The following BCAS3 variants were observed in gnomAD, a reference collection of about 807,000 sequenced individuals.
BCAS3 encodes BCAS4/BCAS3 fusion.
BCAS3 carries 53 observed loss-of-function variants against 116.1 expected under a neutral mutation model. The ratio of observed to expected loss-of-function variants is 0.46; its 90% CI spans 0.37 to 0.57. The LOEUF (loss-of-function observed/expected upper bound fraction) is 0.57. Among genes scored for constraint, BCAS3 ranks in the 20% least tolerant of loss-of-function variants. The pLI, the probability that BCAS3 is intolerant of heterozygous loss-of-function variation, is 0.00. For missense variants in BCAS3, 917 were observed against 1,165.4 expected, an observed-to-expected ratio of 0.79 and a Z score of 3.10; for synonymous variants, 391 against 408.2, an observed-to-expected ratio of 0.96 and a Z score of 0.51.
rs35733395 is a variant in BCAS3, at chr17:61,175,388, G to GA, written c.2425+90837dup. Among the ~76,000 whole-genome samples the GA allele has an allele frequency of 2.9e-3, 402 of 140,450 alleles. 4 individuals are homozygous for GA. Among genetic ancestry groups the GA allele is most frequent in the African/African-American group, 7.0e-3 (267 of 38,230 alleles). 92.1% of individuals were successfully genotyped at this position (140,450 alleles called of 152,430 possible). A position where few individuals can be genotyped will look rare whatever the true frequency, so the allele number is the denominator to read the frequency against. The stretch of plus-strand genomic sequence containing the variant: ...TGCTCCAGCCTGGGTGACACAGTGG[G>GA]AAAAAAAAAAAAAGCTCTTGGGTTT... On this transcript the variant is annotated intron_variant, in intron 22 of 23. Transcript: ENST00000407086.
At chr17:60,786,504 A>G (rs899343052) in intron 6 of BCAS3, among the ~76,000 whole-genome samples, 8 of 151,442 alleles carry the variant, frequency 5.3e-5, no homozygotes, top group African/African-American at 1.7e-4. Context: ...CCTAAGTGAC[A>G]GAGCAAGACT....
At position 61,321,387 on chromosome 17, in the gene BCAS3, G is replaced by A. The variant is rs186063542; in HGVS notation, c.2426-46940G>A. Reference sequence around the variant, plus strand: ...CCCATCTCCCTTCACCATTCATACTGTGGCTTCTTGGGGAAGCTCATGACC... The same window carrying A: ...CCCATCTCCCTTCACCATTCATACTATGGCTTCTTGGGGAAGCTCATGACC... On this transcript the variant is annotated intron_variant, in intron 22 of 23. Coordinates refer to ENST00000407086, the MANE Select transcript of BCAS3 (RefSeq NM_017679.5). Among the ~76,000 whole-genome samples the A allele has an allele frequency of 7.2e-5, 11 of 152,290 alleles. No homozygotes were observed. The East Asian group carries it at 1.9e-3, about 27-fold the overall frequency.
Position 61,365,763 on chromosome 17 carries a change from C to T in BCAS3, c.2426-2564C>T, listed in dbSNP as rs1328946220. 6.6e-6 allele frequency among the ~76,000 whole-genome samples: 1 copy of T among 152,186 alleles called. No homozygotes were observed. Among genetic ancestry groups the T allele is most frequent in the Non-Finnish European group, 1.5e-5 (1 of 68,040 alleles). On this transcript the variant is annotated intron_variant, in intron 22 of 23. Coordinates refer to ENST00000407086, the MANE Select transcript of BCAS3 (RefSeq NM_017679.5). This position sits in a 1 kb window ranked among gnomAD's most constrained non-coding sequence, Gnocchi z 4.6. ...AACTGAGCTCCTTTCTAGAGACAGA[C>T]CTCCTGCTCTTGTGAAGTGAGAAAA...
chr17:60,760,063 A>T (rs2043368660), intron 6 of BCAS3, among the ~76,000 whole-genome samples: 1 of 152,206 alleles, frequency 6.6e-6, no homozygotes, highest in South Asian at 2.1e-4. Flanking sequence ...CTTTGAGCCT[A>T]TGTATGTCTG....
intron 22 of BCAS3, among the ~76,000 whole-genome samples, chr17:61,112,856 A>C (rs1235472253): frequency 6.6e-6 from 1 of 151,738 alleles, no homozygotes; most frequent in Non-Finnish European, 1.5e-5. Context: ...TCCTCAGCAA[A>C]TGTAAAAGAA....
chr17:60,956,246 C>A lies in BCAS3; in HGVS notation c.1221+8894C>A, dbSNP rs958191024. 6.6e-5 allele frequency among the ~76,000 whole-genome samples: 10 copies of A among 152,196 alleles called. No homozygotes were observed. The highest frequency in any genetic ancestry group is 1.3e-4 in the Non-Finnish European group (9 of 68,024). On this transcript the variant is annotated intron_variant, in intron 14 of 23. Transcript: ENST00000407086. The surrounding 1 kb of genome is among the most constrained non-coding windows in gnomAD (Gnocchi z 4.2). ...TGGTGTCTGTGTCCTTTTGACATAT[C>A]TTCACCACTTTCTGAGCTTGTCCTT...
rs1258157118 is a variant in BCAS3, at chr17:61,029,781, A to T, written c.1638-4885A>T. Among the ~76,000 whole-genome samples, 1 of 152,028 alleles carries T rather than the reference A, an allele frequency of 6.6e-6. No individual in the cohort carries two copies. Among genetic ancestry groups the T allele is most frequent in the African/African-American group, 2.4e-5 (1 of 41,446 alleles). On this transcript the variant is annotated intron_variant, in intron 16 of 23. Transcript: ENST00000407086. The surrounding 1 kb of genome is among the most constrained non-coding windows in gnomAD (Gnocchi z 5.2). ...CATATTAAATTAGAAAGTTTTAATT[A>T]GTGTTTTCTAAGAGTTTTGATCAAG...
At chr17:61,135,675 A>G (rs1302773955) in intron 22 of BCAS3, among the ~76,000 whole-genome samples, 1 of 152,212 alleles carries the variant, frequency 6.6e-6, no homozygotes, top group Non-Finnish European at 1.5e-5. Context: ...ACATTTTTAA[A>G]TGGGAGGAAA....
In BCAS3 at chr17:60,684,811, A is replaced by G. The variant is rs551326362; in HGVS notation, c.138+775A>G. On this transcript the variant is annotated intron_variant, in intron 3 of 23. Transcript: ENST00000407086. ...GTAGTCTTCCTTGACTACCATGGGT[A>G]TGTGTAACTGGAGTGTTCAAAAAGG... Among the ~76,000 whole-genome samples, 13 of 152,254 alleles carry G rather than the reference A, an allele frequency of 8.5e-5. No homozygotes were observed. The East Asian group carries it at 2.5e-3, about 29-fold the overall frequency.
At position 61,344,499 on chromosome 17, in the gene BCAS3, G is replaced by A. The variant is rs1414373351; in HGVS notation, c.2426-23828G>A. Among the ~76,000 whole-genome samples the A allele has an allele frequency of 6.6e-6, 1 of 152,118 alleles. No homozygotes were observed. Among genetic ancestry groups the A allele is most frequent in the Non-Finnish European group, 1.5e-5 (1 of 68,034 alleles). On this transcript the variant is annotated intron_variant, in intron 22 of 23. Transcript: ENST00000407086. This position sits in a 1 kb window ranked among gnomAD's most constrained non-coding sequence, Gnocchi z 4.1. ...AGAAGGTGGGTCCTAAGTTTTGAGG[G>A]TACCATGGAGAGCAAAGTAGATGAT...
At chr17:60,911,049 TTTC>T (rs557208383) in intron 12 of BCAS3, among the ~76,000 whole-genome samples, 23 of 151,918 alleles carry the variant, frequency 1.5e-4, no homozygotes, top group African/African-American at 5.5e-4. Flanking sequence ...TCAGTTATTG[TTTC>T]TTTTTTGTGT....
At chr17:61,103,429 T>C (rs953515739) in intron 22 of BCAS3, among the ~76,000 whole-genome samples, 1 of 152,162 alleles carries the variant, frequency 6.6e-6, no homozygotes, top group African/African-American at 2.4e-5. Flanking sequence ...AATTAACCAG[T>C]TCATGGAGGT....
In BCAS3 at chr17:61,250,021, A is replaced by G. The variant is rs1322110610; in HGVS notation, c.2426-118306A>G. Among the ~76,000 whole-genome samples, 5 of 152,144 alleles carry G rather than the reference A, an allele frequency of 3.3e-5. No homozygotes were observed. The East Asian group carries it at 5.8e-4, about 18-fold the overall frequency. Reference sequence around the variant, plus strand: ...AAATAAGAGCAGCCATTGTAAAACTAGAGAAGGTTACGAAATGGCCCTGCT... The same window carrying G: ...AAATAAGAGCAGCCATTGTAAAACTGGAGAAGGTTACGAAATGGCCCTGCT... On this transcript the variant is annotated intron_variant, in intron 22 of 23. Transcript: ENST00000407086.
At chr17:60,727,555 T>C in intron 5 of BCAS3, 1 of 1,133,638 alleles carries the variant, frequency 8.8e-7, no homozygotes, top group Non-Finnish European at 1.2e-6. Context: ...CTCGCAAAGC[T>C]CTCGCCTGAC....
chr17:60,747,193 T>C lies in BCAS3; in HGVS notation c.322-5T>C, dbSNP rs1395851076. 1.9e-6 allele frequency: 3 copies of C among 1,604,242 alleles called. No individual in the cohort carries two copies. The highest frequency in any genetic ancestry group is 3.3e-5 in the Admixed American group (2 of 59,854). ...CTGAAATATTTTCTTTCTTCTCTTA[T>C]GCAGATCAGTGGTGAAGCACAAGAG... On this transcript the variant is annotated splice_polypyrimidine_tract_variant and splice_region_variant and intron_variant, in intron 5 of 23. Transcript: ENST00000407086.
intron 3 of BCAS3, among the ~76,000 whole-genome samples, chr17:60,686,377 A>C (rs1026561765): frequency 6.6e-6 from 1 of 152,132 alleles, no homozygotes; most frequent in Non-Finnish European, 1.5e-5. Flanking sequence ...GTCTGCAAAT[A>C]TCCTCCTAAA....
At chr17:61,374,835 C>T (rs961367318) in intron 23 of BCAS3, among the ~76,000 whole-genome samples, 2 of 152,192 alleles carry the variant, frequency 1.3e-5, no homozygotes, top group Non-Finnish European at 2.9e-5. Flanking sequence ...TTATCTTGTA[C>T]TTTCTATTTT....
chr17:60,944,366 T>C (rs1486982679), intron 13 of BCAS3, among the ~76,000 whole-genome samples: 2 of 151,962 alleles, frequency 1.3e-5, no homozygotes, highest in Admixed American at 1.3e-4. Context: ...AATTAAAAAA[T>C]TAACAAAATA....
intron 22 of BCAS3, among the ~76,000 whole-genome samples, chr17:61,142,003 CT>C (rs2076948931): frequency 6.6e-6 from 1 of 150,904 alleles, no homozygotes; most frequent in African/African-American, 2.4e-5. Flanking sequence ...TAGTTTTACT[CT>C]TATTTCCACT....
Sources: gnomAD v4.1 joint callset for allele counts (sites outside exome capture counted in the v4.1 genomes callset) on GRCh38, gnomAD v4.1.1 for gene constraint, Gnocchi (gnomAD v3.1) non-coding constraint, MANE v1.5 for transcripts, NCBI Gene and HGNC (gene_info 2026-07-23, HGNC 2026-07-21) for gene names.